The following ERBB4 variants were observed in gnomAD, a reference collection of about 807,000 sequenced individuals.
ERBB4 encodes the protein erb-b2 receptor tyrosine kinase 4, also known as receptor tyrosine-protein kinase erbB-4.
Under a neutral mutation model 158.0 loss-of-function variants are expected in ERBB4, and 42 were observed. The ratio of observed to expected loss-of-function variants is 0.27; its 90% confidence interval spans 0.21 to 0.34. The LOEUF is 0.34. Among genes scored for constraint, ERBB4 ranks in the 10% least tolerant of loss-of-function variants. ERBB4 has a pLI of 1.00. For synonymous variants in ERBB4, 583 were observed against 558.7 expected (o/e 1.04, Z -0.61); for missense variants, 1,333 against 1,624.1 (o/e 0.82, Z 3.08).
At chr2:212,248,141 ATAAT>A (rs2084381356) in intron 1 of ERBB4, among the ~76,000 whole-genome samples, 1 of 152,112 alleles carries the variant, frequency 6.6e-6, no homozygotes, top group African/African-American at 2.4e-5. Context: ...AATAAAATTA[ATAAT>A]TAAAATAATT....
chr2:211,533,461 T>C (rs2066559154), intron 20 of ERBB4, among the ~76,000 whole-genome samples: 1 of 152,082 alleles, frequency 6.6e-6, no homozygotes, highest in Non-Finnish European at 1.5e-5. Flanking sequence ...TCCTTACTTA[T>C]TTTAAAGTTG....
intron 3 of ERBB4, among the ~76,000 whole-genome samples, chr2:211,840,630 T>TG (rs1326843029): frequency 1.3e-5 from 2 of 152,132 alleles, no homozygotes; most frequent in Non-Finnish European, 2.9e-5. Flanking sequence ...AGCACAAGAA[T>TG]GGCTAAGCTG....
chr2:212,506,457 C>T (rs1405263129), intron 1 of ERBB4, among the ~76,000 whole-genome samples: 2 of 151,602 alleles, frequency 1.3e-5, no homozygotes, highest in Non-Finnish European at 1.5e-5. Context: ...TGTCAAACAG[C>T]CAAATTGTGA....
chr2:211,976,601 C>A (rs1232314113), intron 2 of ERBB4, among the ~76,000 whole-genome samples: 1 of 152,076 alleles, frequency 6.6e-6, no homozygotes, highest in Non-Finnish European at 1.5e-5. Flanking sequence ...ACAATTAAAT[C>A]TGCTTCAATG....
At chr2:212,249,061 GTTATT>G (rs1413019963) in intron 1 of ERBB4, among the ~76,000 whole-genome samples, 3 of 151,952 alleles carry the variant, frequency 2.0e-5, no homozygotes, top group Non-Finnish European at 4.4e-5. Context: ...TATATTTGGG[GTTATT>G]TTAACAGGAA....
At position 212,381,112 on chromosome 2, in the gene ERBB4, A is replaced by T. The variant is rs559553639; in HGVS notation, c.82+157337T>A. ...AAAAGATTTAAATTAATTATTGCTT[A>T]TTTTTTCCTGTTTAAAATGCTAACA... is the stretch of plus-strand genomic sequence containing the variant. On this transcript the variant is annotated intron_variant, in intron 1 of 27. Transcript: ENST00000342788. Among the ~76,000 whole-genome samples, 179 of 151,390 alleles carry T rather than the reference A, an allele frequency of 1.2e-3. 2 individuals carry two copies. The highest frequency in any genetic ancestry group is 2.3e-3 in the Non-Finnish European group (157 of 67,508).
intron 19 of ERBB4, among the ~76,000 whole-genome samples, chr2:211,601,041 G>A (rs1169250360): frequency 6.6e-6 from 1 of 152,090 alleles, no homozygotes; most frequent in Non-Finnish European, 1.5e-5. Context: ...AACCCTGAGG[G>A]AGGAGACAAT....
rs1284162407 is a variant in ERBB4 at position 211,380,515 on chromosome 2, A to T, written c.*3100T>A. On this transcript the variant is annotated 3_prime_UTR_variant, in exon 28 of 28. Coordinates refer to ENST00000342788, the MANE Select transcript of ERBB4 (RefSeq NM_005235.3). ...TCTGGAATCTGATATCCCCCCAAGCACTTTGAAGACTTTAACTGACATTTT... is the reference window on the plus strand; with the variant it reads ...TCTGGAATCTGATATCCCCCCAAGCTCTTTGAAGACTTTAACTGACATTTT... The T allele has an allele frequency of 4.3e-6, 1 of 232,248 alleles. No individual in the cohort carries two copies. The highest frequency in any genetic ancestry group is 2.2e-5 in the African/African-American group (1 of 45,408). 14.4% of individuals were successfully genotyped at this position (232,248 alleles called of 1,614,324 possible). A position where few individuals can be genotyped will look rare whatever the true frequency, so the allele number is the denominator to read the frequency against.
At chr2:212,476,001 T>C (rs2106139361) in intron 1 of ERBB4, among the ~76,000 whole-genome samples, 2 of 152,198 alleles carry the variant, frequency 1.3e-5, no homozygotes, top group Middle Eastern at 6.8e-3. Flanking sequence ...TCAGACTGTG[T>C]ACCCATAGCA....
At chr2:211,561,415 G>C (rs1417748700) in intron 20 of ERBB4, among the ~76,000 whole-genome samples, 4 of 152,120 alleles carry the variant, frequency 2.6e-5, no homozygotes, top group African/African-American at 4.8e-5. Context: ...CTTTGTGTAA[G>C]ACTAAAACTC....
chr2:211,752,922 T>C (rs192913786), intron 4 of ERBB4, among the ~76,000 whole-genome samples: 2 of 152,340 alleles, frequency 1.3e-5, no homozygotes, highest in African/African-American at 4.8e-5. Context: ...AATTCTATTA[T>C]GACAAATGCA....
At chr2:212,162,126 G>T (rs545313892) in intron 1 of ERBB4, among the ~76,000 whole-genome samples, 1 of 151,820 alleles carries the variant, frequency 6.6e-6, no homozygotes, top group South Asian at 2.1e-4. Context: ...GTACACAAAA[G>T]ACATATGCAA....
chr2:211,757,619 C>A (rs113927562), intron 4 of ERBB4, among the ~76,000 whole-genome samples: 4 of 152,056 alleles, frequency 2.6e-5, no homozygotes, highest in African/African-American at 9.7e-5. Flanking sequence ...TTCCATCTAC[C>A]CCTCCCTCAG....
intron 2 of ERBB4, among the ~76,000 whole-genome samples, chr2:212,013,544 T>C (rs536504741): frequency 3.3e-5 from 5 of 152,310 alleles, no homozygotes; most frequent in South Asian, 2.1e-4. Flanking sequence ...CAAATTAAGA[T>C]AAGGTTACAG....
At chr2:211,779,937 T>G (rs1395165997) in intron 4 of ERBB4, among the ~76,000 whole-genome samples, 1 of 152,132 alleles carries the variant, frequency 6.6e-6, no homozygotes, top group Non-Finnish European at 1.5e-5. Flanking sequence ...AATTAGGCCT[T>G]CAAAATGCCA....
intron 4 of ERBB4, among the ~76,000 whole-genome samples, chr2:211,783,644 G>A (rs888677180): frequency 2.0e-5 from 3 of 152,108 alleles, no homozygotes; most frequent in Admixed American, 2.0e-4. Context: ...TTTTATCTTT[G>A]GTTCTGTTTA....
chr2:211,590,127 T>A (rs775483168), intron 19 of ERBB4, among the ~76,000 whole-genome samples: 6 of 151,860 alleles, frequency 4.0e-5, no homozygotes, highest in Non-Finnish European at 8.8e-5. Context: ...ACTAAAAATA[T>A]CCATAGGGAT....
intron 1 of ERBB4, among the ~76,000 whole-genome samples, chr2:212,342,428 G>A (rs1172879947): frequency 6.6e-6 from 1 of 152,116 alleles, no homozygotes; most frequent in African/African-American, 2.4e-5. Flanking sequence ...TCTCTTGCCT[G>A]CCACCATGTA....
At position 212,215,950 on chromosome 2, in the gene ERBB4, T is replaced by G. The variant is rs375313043; in HGVS notation, c.83-91047A>C. Among the ~76,000 whole-genome samples, 5 of 151,576 alleles carry G rather than the reference T, an allele frequency of 3.3e-5. No homozygotes were observed. The South Asian group carries it at 1.0e-3, about 31-fold the overall frequency. On this transcript the variant is annotated intron_variant, in intron 1 of 27. Coordinates refer to ENST00000342788, the MANE Select transcript of ERBB4 (RefSeq NM_005235.3). ...GAACATCATTAGAGTGATGTAGCAC[T>G]GGTAATAAACCCCTTCACACTTGGA...
Sources: allele counts gnomAD v4.1 joint callset (sites outside exome capture counted in the v4.1 genomes callset), GRCh38; gene constraint gnomAD v4.1.1; transcripts MANE v1.5; gene names NCBI Gene and HGNC (gene_info 2026-07-23, HGNC 2026-07-21).